Variants in AMZ1 observed in about 807,000 individuals in gnomAD.
AMZ1 encodes archaelysin family metallopeptidase 1.
A neutral mutation model predicts 29.9 loss-of-function variants in AMZ1; 39 were observed. The ratio of observed to expected loss-of-function variants is 1.30; its 90% confidence interval spans 1.01 to 1.70. AMZ1 has a LOEUF of 1.70. Among genes scored for constraint, AMZ1 ranks in the 40% most tolerant of loss-of-function variants. The probability of loss-of-function intolerance (pLI) is 0.00; values close to 1 mark genes in which losing one functional copy is unlikely to be tolerated. For synonymous variants in AMZ1, 458 were observed against 304.0 expected (o/e 1.51, Z -5.27); for missense variants, 1,041 against 680.6 (o/e 1.53, Z -5.89).
Position 2,712,443 on chromosome 7 carries a change from TGA to T in AMZ1, c.1066_1067del (p.Ser356Ter), listed in dbSNP as rs1290833392. ...CCAGCGCCGACTCGGGCATGTGCTG[TGA>T]GAGTGACTCGGAGCCCGGCACCAGT... is the stretch of plus-strand genomic sequence containing the variant. Reference protein sequence around the residue: ...PASADSGMCCESDSEPGTSVS... With the variant: ...PASADSGMCCXSDSEPGTSVS... On this transcript the variant is annotated frameshift_variant, in exon 7 of 7. Transcript: ENST00000683327. LOFTEE classifies it low-confidence loss of function (END_TRUNC). 3.7e-6 allele frequency: 6 copies of T among 1,611,690 alleles called. No homozygotes were observed. Among genetic ancestry groups the T allele is most frequent in the African/African-American group, 2.7e-5 (2 of 74,918 alleles).
In AMZ1 at chr7:2,709,644, C is replaced by A. The variant is rs199808587; in HGVS notation, c.776C>A (p.Thr259Lys). 1 of 1,608,290 alleles carries A rather than the reference C, an allele frequency of 6.2e-7. No individual in the cohort carries two copies. The highest frequency in any genetic ancestry group is 8.5e-7 in the Non-Finnish European group (1 of 1,178,176). ...GCTTGGTGGCCTTCCCCCCAGGTCA[C>A]GTGCCACGAGCTCTGCCACCTTCTG... ...ALGMVQCCKV[T>K]CHELCHLLGL... The change falls in exon 6 of 7, where the codon ACG becomes AAG. Residue 259 changes from threonine (T) to lysine (K), a missense_variant. By Grantham distance (78) the Thr-to-Lys change is moderately conservative (BLOSUM62 -1). Transcript: ENST00000683327.
Position 2,712,665 on chromosome 7 carries a change from G to A in AMZ1, c.1284G>A (p.Val428=). 1.2e-6 allele frequency: 2 copies of A among 1,613,082 alleles called. No individual in the cohort carries two copies. The change falls in exon 7 of 7, where the codon GTG becomes GTA. Residue 428 remains valine, a synonymous_variant. Transcript: ENST00000683327. The part of the protein sequence containing the change: ...LQREVAEEDL[V]QVDRAVDALD... Reference sequence around the variant, plus strand: ...GGGAAGTGGCAGAGGAGGACCTGGTGCAGGTGGACAGAGCCGTGGACGCCC... The same window carrying A: ...GGGAAGTGGCAGAGGAGGACCTGGTACAGGTGGACAGAGCCGTGGACGCCC...
In AMZ1 at chr7:2,749,387, C is replaced by T. The variant is rs545250866; in HGVS notation, n.551-15325C>T. 1.8e-3 allele frequency among the ~76,000 whole-genome samples: 272 copies of T among 152,166 alleles called. 3 individuals carry two copies. Among genetic ancestry groups the T allele is most frequent in the African/African-American group, 6.1e-3 (253 of 41,510 alleles). On this transcript the variant is annotated intron_variant and non_coding_transcript_variant, in intron 4 of 4. Transcript: ENST00000489665. ...GGACATGGATGAAACTAGAAACCAT[C>T]ATTGTCAGCAAACTATTGCAAGGAC... is the stretch of plus-strand genomic sequence containing the variant.
At chr7:2,757,763 C>T (rs940313323) in intron 4 of AMZ1, among the ~76,000 whole-genome samples, 7 of 152,224 alleles carry the variant, frequency 4.6e-5, no homozygotes, top group African/African-American at 1.7e-4. Flanking sequence ...GTCATCTTCC[C>T]TGCACATTCT....
At chr7:2,692,567 A>G (rs1008139708) in intron 1 of AMZ1, among the ~76,000 whole-genome samples, 1 of 151,918 alleles carries the variant, frequency 6.6e-6, no homozygotes, top group Non-Finnish European at 1.5e-5. Context: ...AATAAAGAGG[A>G]CCAAGCTCAT....
upstream of AMZ1, among the ~76,000 whole-genome samples, chr7:2,684,461 C>T (rs1327713093): frequency 6.6e-6 from 1 of 152,226 alleles, no homozygotes; most frequent in African/African-American, 2.4e-5. Flanking sequence ...CCAGGCCACA[C>T]AGTTCTCTTT....
chr7:2,725,074 T>C (rs1199179725), intron 4 of AMZ1, among the ~76,000 whole-genome samples: 2 of 152,210 alleles, frequency 1.3e-5, no homozygotes, highest in African/African-American at 4.8e-5. Context: ...TGGAACTCCC[T>C]CACTTCTAGG....
chr7:2,757,128 C>CTTTTTTTTTT (rs1562409543), intron 4 of AMZ1, among the ~76,000 whole-genome samples: 1 of 115,136 alleles, frequency 8.7e-6, no homozygotes, highest in Non-Finnish European at 1.8e-5. Flanking sequence ...ATCAGGTGGG[C>CTTTTTTTTTT]CTTTTTTTTT....
intron 4 of AMZ1, among the ~76,000 whole-genome samples, chr7:2,751,793 A>T (rs1791052797): frequency 6.6e-6 from 1 of 152,212 alleles, no homozygotes; most frequent in Non-Finnish European, 1.5e-5. Context: ...AAAAAATTTA[A>T]TTTCCCAAAA....
At chr7:2,758,898 G>A (rs772114258) in intron 4 of AMZ1, among the ~76,000 whole-genome samples, 51 of 152,024 alleles carry the variant, frequency 3.4e-4, no homozygotes, top group Non-Finnish European at 5.3e-4. Context: ...TAATCCCAGC[G>A]CTCTGGGAGG....
chr7:2,750,660 G>T (rs1790988350), intron 4 of AMZ1, among the ~76,000 whole-genome samples: 1 of 152,176 alleles, frequency 6.6e-6, no homozygotes, highest in South Asian at 2.1e-4. Context: ...TTGACTGCGG[G>T]TAACTGAAAC....
intron 1 of AMZ1, among the ~76,000 whole-genome samples, chr7:2,695,189 G>A (rs563915978): frequency 2.0e-5 from 3 of 152,264 alleles, no homozygotes; most frequent in African/African-American, 4.8e-5. Context: ...CCTGTCCATC[G>A]TCTGTGCATC....
At chr7:2,743,132 A>G (rs958102755) in intron 4 of AMZ1, among the ~76,000 whole-genome samples, 12 of 152,216 alleles carry the variant, frequency 7.9e-5, no homozygotes, top group African/African-American at 2.7e-4. Flanking sequence ...GGGAGACCTC[A>G]AGTTCTGTGC....
At chr7:2,733,076 C>T (rs555863218) in intron 4 of AMZ1, among the ~76,000 whole-genome samples, 4 of 152,172 alleles carry the variant, frequency 2.6e-5, no homozygotes, top group African/African-American at 4.8e-5. Flanking sequence ...CATTTGCTCC[C>T]GGAGGCCGGG....
Position 2,749,978 on chromosome 7 carries a change from A to G in AMZ1, n.551-14734A>G, listed in dbSNP as rs950895435. Among the ~76,000 whole-genome samples, 5 of 152,242 alleles carry G rather than the reference A, an allele frequency of 3.3e-5. 1 individual carries two copies. The highest frequency in any genetic ancestry group is 1.2e-4 in the African/African-American group (5 of 41,468). ...GAAGAGAACAAAGAGAGTGGGGCAG[A>G]GAATGTTTTTAGAAGCAGAAAACTT... is the stretch of plus-strand genomic sequence containing the variant. On this transcript the variant is annotated intron_variant and non_coding_transcript_variant, in intron 4 of 4. Transcript: ENST00000489665.
In AMZ1 at chr7:2,739,873, G is replaced by A. The variant is rs543825630; in HGVS notation, n.551-24839G>A. Among the ~76,000 whole-genome samples, 43 of 152,144 alleles carry A rather than the reference G, an allele frequency of 2.8e-4. 1 individual carries two copies. Among genetic ancestry groups the A allele is most frequent in the African/African-American group, 8.9e-4 (37 of 41,490 alleles). On this transcript the variant is annotated intron_variant and non_coding_transcript_variant, in intron 4 of 4. Coordinates refer to the AMZ1 transcript ENST00000489665. Reference sequence around the variant, plus strand: ...TTTTAGTAGAGACGGGGGTTTCACCGTGTTGGCCAGGCTGGTCTCGAACTC... The same window carrying A: ...TTTTAGTAGAGACGGGGGTTTCACCATGTTGGCCAGGCTGGTCTCGAACTC...
chr7:2,745,987 G>A (rs1182230985), intron 4 of AMZ1, among the ~76,000 whole-genome samples: 6 of 152,166 alleles, frequency 3.9e-5, no homozygotes, highest in Non-Finnish European at 7.3e-5. Context: ...AAATATATAT[G>A]CAAACAATAC....
intron 4 of AMZ1, among the ~76,000 whole-genome samples, chr7:2,745,332 T>A (rs1454811654): frequency 6.6e-6 from 1 of 152,328 alleles, no homozygotes; most frequent in East Asian, 1.9e-4. Context: ...TGGCAGAAAC[T>A]CTGCAAGCCA....
chr7:2,717,112 G>A lies in AMZ1; in HGVS notation c.*4234G>A, dbSNP rs1789170678. On this transcript the variant is annotated 3_prime_UTR_variant, in exon 7 of 7. Coordinates refer to ENST00000683327, the MANE Select transcript of AMZ1 (RefSeq NM_001384743.1). Reference sequence around the variant, plus strand: ...GGTTCTGATAACCAGGAGGCTTTCTGGCCCGTGCAGCTCCTTCGGACTCTG... The same window carrying A: ...GGTTCTGATAACCAGGAGGCTTTCTAGCCCGTGCAGCTCCTTCGGACTCTG... Among the ~76,000 whole-genome samples, 1 of 152,210 alleles carries A rather than the reference G, an allele frequency of 6.6e-6. No homozygotes were observed. The highest frequency in any genetic ancestry group is 1.5e-5 in the Non-Finnish European group (1 of 68,042).
Sources: gnomAD v4.1 joint callset for allele counts (sites outside exome capture counted in the v4.1 genomes callset) on GRCh38, gnomAD v4.1.1 for gene constraint, MANE v1.5 for transcripts, NCBI Gene and HGNC (gene_info 2026-07-23, HGNC 2026-07-21) for gene names.